The following RNASET2 variants were observed in gnomAD, a reference collection of about 807,000 sequenced individuals.
The protein encoded by RNASET2 is ribonuclease 6.
RNASET2 carries 28 observed loss-of-function variants against 33.9 expected under a neutral mutation model. That is an observed-to-expected ratio of 0.83 (90% CI 0.61 to 1.13). The LOEUF (loss-of-function observed/expected upper bound fraction) is 1.13. Among genes scored for constraint, RNASET2 ranks in the 50% most tolerant of loss-of-function variants. The probability of loss-of-function intolerance (pLI) is 0.00; values close to 1 mark genes in which losing one functional copy is unlikely to be tolerated. For synonymous variants in RNASET2, 123 were observed against 121.0 expected, an observed-to-expected ratio of 1.02 and a Z score of -0.11; for missense variants, 330 against 319.9, an observed-to-expected ratio of 1.03 and a Z score of -0.24.
At chr6:166,946,013 C>A (rs946751050) in intron 4 of RNASET2, among the ~76,000 whole-genome samples, 1 of 152,068 alleles carries the variant, frequency 6.6e-6, no homozygotes, top group Non-Finnish European at 1.5e-5. Context: ...GTCCAGTTAC[C>A]CTGGTATATA....
intron 5 of RNASET2, 47 bp from the exon 6 acceptor site, chr6:166,939,055 T>C (rs768817722): frequency 9.6e-6 from 13 of 1,355,950 alleles, no homozygotes; most frequent in Non-Finnish European, 1.3e-5. Flanking sequence ...TGAAACAGGC[T>C]GCGTGCAGTG....
At chr6:166,938,844 G>T (rs745816295) in intron 6 of RNASET2, 51 bp downstream of exon 6, 2 of 1,331,206 alleles carry the variant, frequency 1.5e-6, no homozygotes, top group Non-Finnish European at 2.2e-6. Context: ...AGGCTTGGGC[G>T]ACAGCAGAGA....
At chr6:166,955,139 C>T (rs1018919112) in intron 1 of RNASET2, among the ~76,000 whole-genome samples, 2 of 152,110 alleles carry the variant, frequency 1.3e-5, no homozygotes, top group South Asian at 4.1e-4. Flanking sequence ...TTCTTTGCAG[C>T]ACCGCCTGTT....
chr6:166,948,144 G>C (rs1434792539), intron 3 of RNASET2, among the ~76,000 whole-genome samples: 1 of 152,014 alleles, frequency 6.6e-6, no homozygotes, highest in Non-Finnish European at 1.5e-5. Context: ...TCAGGAGGTC[G>C]AGACCAGCCT....
At chr6:166,937,231 G>C (rs1228227915) in intron 6 of RNASET2, among the ~76,000 whole-genome samples, 1 of 152,130 alleles carries the variant, frequency 6.6e-6, no homozygotes, top group African/African-American at 2.4e-5. Context: ...CCACCTCCTG[G>C]GTTCAAGCCA....
chr6:166,936,683 T>G (rs1778577824), intron 6 of RNASET2, among the ~76,000 whole-genome samples: 2 of 152,162 alleles, frequency 1.3e-5, no homozygotes, highest in Admixed American at 1.3e-4. Context: ...AACCTACTCA[T>G]GAGGGATCCT....
Position 166,945,918 on chromosome 6 carries a change from G to C in RNASET2, c.261+764C>G, listed in dbSNP as rs111546007. Among the ~76,000 whole-genome samples the C allele has an allele frequency of 2.5e-3, 378 of 152,032 alleles. 4 individuals carry two copies. Among genetic ancestry groups the C allele is most frequent in the African/African-American group, 6.3e-3 (261 of 41,484 alleles). On this transcript the variant is annotated intron_variant, in intron 4 of 8. Coordinates refer to ENST00000508775, the MANE Select transcript of RNASET2 (RefSeq NM_003730.6). Reference sequence around the variant, plus strand: ...ACCTTGGGGAATGTACCATTCCTAGGAAAGACCCACAACTCCCGCAAGCCT... The same window carrying C: ...ACCTTGGGGAATGTACCATTCCTAGCAAAGACCCACAACTCCCGCAAGCCT...
rs1218910122 is a variant in RNASET2, at chr6:166,926,653, C to T, written c.*2935G>A. On this transcript the variant is annotated 3_prime_UTR_variant, in exon 9 of 9. Transcript: ENST00000508775. ...ACTACTAGCTTGGAGAGAGGGATTG[C>T]TTTCCAGGTGACAAAGCATTGTCCC... Among the ~76,000 whole-genome samples the T allele has an allele frequency of 1.3e-5, 2 of 152,082 alleles. No individual in the cohort carries two copies. Among genetic ancestry groups the T allele is most frequent in the Non-Finnish European group, 2.9e-5 (2 of 68,010 alleles).
chr6:166,943,339 T>A (rs2128645796), intron 4 of RNASET2: 1 of 401,240 alleles, frequency 2.5e-6, no homozygotes, highest in Admixed American at 3.6e-5. Context: ...AAAGTGTACA[T>A]CCAAACAATG....
intron 4 of RNASET2, chr6:166,943,937 T>C: frequency 3.6e-6 from 1 of 278,574 alleles, no homozygotes; most frequent in South Asian, 3.2e-5. Context: ...CTGGCCAACC[T>C]GGTGAAACCC....
intron 2 of RNASET2, among the ~76,000 whole-genome samples, chr6:166,950,775 G>T (rs1221356300): frequency 6.6e-6 from 1 of 152,256 alleles, no homozygotes; most frequent in Non-Finnish European, 1.5e-5. Context: ...CCGGAGGGCC[G>T]TGAGTGCCAT....
Position 166,933,230 on chromosome 6 carries a change from A to G in RNASET2, c.492+861T>C, listed in dbSNP as rs1778488786. Reference sequence around the variant, plus strand: ...TTCCGTAAAGGTCCACGTCGTAAATATCCCGGGATTTGTGGATGACACATC... The same window carrying G: ...TTCCGTAAAGGTCCACGTCGTAAATGTCCCGGGATTTGTGGATGACACATC... On this transcript the variant is annotated intron_variant, in intron 7 of 8. Transcript: ENST00000508775. The surrounding 1 kb of genome is among the most constrained non-coding windows in gnomAD (Gnocchi z 4.1). 6.6e-6 allele frequency: 1 copy of G among 152,210 alleles called. No individual in the cohort carries two copies. The highest frequency in any genetic ancestry group is 1.5e-5 in the Non-Finnish European group (1 of 68,040). 9.4% of individuals were successfully genotyped at this position (152,210 alleles called of 1,614,324 possible).
At chr6:166,949,381 G>T in intron 2 of RNASET2, among the ~76,000 whole-genome samples, 1 of 150,176 alleles carries the variant, frequency 6.7e-6, no homozygotes, top group Admixed American at 6.7e-5. Context: ...GGCTCCTACA[G>T]TTCCAGCTCC....
rs138631156 is a variant in RNASET2, at chr6:166,926,240, A to C, written c.*3348T>G. Among the ~76,000 whole-genome samples, 342 of 151,600 alleles carry C rather than the reference A, an allele frequency of 2.3e-3. 10 individuals are homozygous for C. In the East Asian group the frequency reaches 0.033, roughly 15 times the overall value. On this transcript the variant is annotated 3_prime_UTR_variant, in exon 9 of 9. Transcript: ENST00000508775. ...GAGATGGAGGCAAAAGTTTCGGTGGAAAGATAAGATACCTGGGCCAGGCGC... is the reference window on the plus strand; with the variant it reads ...GAGATGGAGGCAAAAGTTTCGGTGGCAAGATAAGATACCTGGGCCAGGCGC...
chr6:166,956,102 G>C lies in RNASET2; in HGVS notation c.81C>G (p.Arg27=), dbSNP rs763769928. 1 of 1,552,196 alleles carries C rather than the reference G, an allele frequency of 6.4e-7. No homozygotes were observed. The highest frequency in any genetic ancestry group is 2.4e-5 in the East Asian group (1 of 40,992). ...ALLCLGGADK[R]LRDNHEWKKL... ...TACCTCGCAAGGTAACTCACCGCAG[G>C]CGCTTGTCCGCACCGCCCAGGCAAA... The change falls in exon 1 of 9, where the codon CGC becomes CGG. Residue 27 remains arginine (R), a synonymous_variant. Coordinates refer to ENST00000508775, the MANE Select transcript of RNASET2 (RefSeq NM_003730.6).
rs1487939974 is a variant in RNASET2 at position 166,933,782 on chromosome 6, G to A, written c.492+309C>T. The stretch of plus-strand genomic sequence containing the variant: ...AAACCACAAACAAATATAAGACTAC[G>A]TTATAAAAGTGAATGTGACTCTTGA... On this transcript the variant is annotated intron_variant, in intron 7 of 8. Transcript: ENST00000508775. This position sits in a 1 kb window ranked among gnomAD's most constrained non-coding sequence, Gnocchi z 4.1. 13 of 427,914 alleles carry A rather than the reference G, an allele frequency of 3.0e-5. No homozygotes were observed. The highest frequency in any genetic ancestry group is 1.0e-4 in the South Asian group (3 of 29,102). The allele number at this position is 427,914 out of a possible 1,614,324, so 26.5% of individuals were successfully genotyped here.
intron 5 of RNASET2, among the ~76,000 whole-genome samples, chr6:166,942,346 C>A (rs889035948): frequency 3.9e-5 from 6 of 152,008 alleles, no homozygotes; most frequent in African/African-American, 1.2e-4. Flanking sequence ...AACCACTGTG[C>A]CTGGTCTCTT....
intron 1 of RNASET2, 42 bp from the exon 2 acceptor site, chr6:166,952,590 A>G: frequency 6.6e-7 from 1 of 1,517,492 alleles, no homozygotes; most frequent in Non-Finnish European, 9.2e-7. Context: ...AACTTTTTTT[A>G]AAGTTACAGA....
chr6:166,930,431 C>T (rs749404149), intron 8 of RNASET2, among the ~76,000 whole-genome samples: 35 of 152,044 alleles, frequency 2.3e-4, no homozygotes, highest in Non-Finnish European at 4.4e-4. Flanking sequence ...GAGGCACAGG[C>T]CCATGCACAC....
Sources: gnomAD v4.1 joint callset for allele counts (sites outside exome capture counted in the v4.1 genomes callset) on GRCh38, gnomAD v4.1.1 for gene constraint, Gnocchi (gnomAD v3.1) non-coding constraint, MANE v1.5 for transcripts, NCBI Gene and HGNC (gene_info 2026-07-23, HGNC 2026-07-21) for gene names.